SERINC2: variants seen among roughly 807,000 people sequenced by gnomAD.
The protein encoded by SERINC2 is tumor differentially expressed protein 2.
SERINC2 carries 56 observed loss-of-function variants against 54.2 expected under a neutral mutation model. That is an observed-to-expected ratio of 1.03 (90% CI 0.83 to 1.29). The LOEUF is 1.29. SERINC2 is among the 50% of genes most tolerant of loss of function. The pLI is 0.00. For synonymous variants in SERINC2, 272 were observed against 253.1 expected (o/e 1.07, Z -0.71); for missense variants, 614 against 607.4 (o/e 1.01, Z -0.12).
chr1:31,433,979 G>T lies in SERINC2; in HGVS notation c.1233-85G>T, dbSNP rs72880153. On this transcript the variant is annotated intron_variant, in intron 9 of 9. Transcript: ENST00000373709. ...GTAAGAGCCAGAGTTGAAGTCAGGGGTCATAACTGGGACATAAGGCCAGGG... is the reference window on the plus strand; with the variant it reads ...GTAAGAGCCAGAGTTGAAGTCAGGGTTCATAACTGGGACATAAGGCCAGGG... The T allele has an allele frequency of 3.4e-3, 4,731 of 1,411,810 alleles. 148 individuals carry two copies. In the African/African-American group the frequency reaches 0.06, roughly 18 times the overall value. 87.5% of individuals were successfully genotyped at this position (1,411,810 alleles called of 1,614,324 possible). A position where few individuals can be genotyped will look rare whatever the true frequency, so the allele number is the denominator to read the frequency against.
intron 8 of SERINC2, 138 bp from the exon 9 acceptor site, chr1:31,432,829 T>C: frequency 1.5e-6 from 1 of 649,636 alleles, no homozygotes; most frequent in Non-Finnish European, 2.7e-6. Flanking sequence ...AGGGGTAGAG[T>C]TGAGAGGCAA....
intron 8 of SERINC2, among the ~76,000 whole-genome samples, chr1:31,432,507 A>G (rs1641335728): frequency 6.6e-6 from 1 of 152,118 alleles, no homozygotes; most frequent in African/African-American, 2.4e-5. Context: ...CTTAAAATCA[A>G]TGGCAAATGA....
chr1:31,424,950 T>G, intron 3 of SERINC2, 77 bp downstream of exon 3: 1 of 1,261,734 alleles, frequency 7.9e-7, no homozygotes, highest in South Asian at 1.4e-5. Context: ...TCCAGGGATC[T>G]GCAGACCCTA....
rs145048820 is a variant in SERINC2, at chr1:31,429,280, G to A, written c.872-117G>A. On this transcript the variant is annotated intron_variant, in intron 7 of 9. Transcript: ENST00000373709. ...TGAGCGCTCTGTTGCTGGGACTTGAGTGGTTGGCTGTGTATCTGTCTGTCT... is the reference window on the plus strand; with the variant it reads ...TGAGCGCTCTGTTGCTGGGACTTGAATGGTTGGCTGTGTATCTGTCTGTCT... 3,763 of 1,305,106 alleles carry A rather than the reference G, an allele frequency of 2.9e-3. 10 individuals are homozygous for A. Among genetic ancestry groups the A allele is most frequent in the Non-Finnish European group, 3.6e-3 (3,401 of 934,316 alleles). The allele number at this position is 1,305,106 out of a possible 1,614,324, so 80.8% of individuals were successfully genotyped here.
chr1:31,431,831 A>ATAGGGTGGT (rs1641230900), intron 8 of SERINC2, among the ~76,000 whole-genome samples: 2 of 122,996 alleles, frequency 1.6e-5, no homozygotes, highest in Admixed American at 7.9e-5. Context: ...GATAGGGTGG[A>ATAGGGTGGT]TAGGGTGGAT....
upstream of SERINC2, among the ~76,000 whole-genome samples, chr1:31,411,845 T>A (rs963730593): frequency 9.2e-5 from 14 of 151,528 alleles, no homozygotes; most frequent in Non-Finnish European, 1.6e-4. Context: ...ACAAAATTTT[T>A]AAAAAATTAG....
intron 8 of SERINC2, among the ~76,000 whole-genome samples, chr1:31,431,923 AGG>A (rs1553134594): frequency 3.6e-5 from 5 of 137,794 alleles, no homozygotes; most frequent in African/African-American, 1.3e-4. Flanking sequence ...TAGGGTGGTT[AGG>A]GTGGATAGGG....
At chr1:31,412,842 C>T (rs1427763334), upstream of SERINC2, among the ~76,000 whole-genome samples, 3 of 152,322 alleles carry the variant, frequency 2.0e-5, no homozygotes, top group African/African-American at 7.2e-5. Flanking sequence ...AGCATTCAAC[C>T]TCAGCATCTA....
At chr1:31,429,193 T>G in intron 7 of SERINC2, 125 bp downstream of exon 7, 1 of 1,030,448 alleles carries the variant, frequency 9.7e-7, no homozygotes, top group Non-Finnish European at 1.5e-6. Context: ...TGAGACTCAG[T>G]CCTCCCATGA....
chr1:31,414,293 T>C, intron 1 of SERINC2: 2 of 1,298,422 alleles, frequency 1.5e-6, no homozygotes, highest in Non-Finnish European at 1.9e-6. Flanking sequence ...CCTCTTCCCC[T>C]CATTAAATCT....
At chr1:31,419,643 C>A (rs1553132584) in intron 1 of SERINC2, among the ~76,000 whole-genome samples, 1 of 152,106 alleles carries the variant, frequency 6.6e-6, no homozygotes, top group African/African-American at 2.4e-5. Flanking sequence ...GCCTGGCCAA[C>A]ATGAGAAAAC....
In SERINC2 at chr1:31,431,730, A is replaced by G. The variant is rs1212618809; in HGVS notation, c.1014-1237A>G. Among the ~76,000 whole-genome samples the G allele has an allele frequency of 4.8e-5, 6 of 124,480 alleles. 2 individuals are homozygous for G. The highest frequency in any genetic ancestry group is 1.6e-4 in the African/African-American group (6 of 37,720). The allele number at this position is 124,480 out of a possible 152,430, so 81.7% of individuals were successfully genotyped here. ...CAATCTGGGCTCCCATGCATGAGATATCCATATGGTATTTGGTAGATAGGG... is the reference window on the plus strand; with the variant it reads ...CAATCTGGGCTCCCATGCATGAGATGTCCATATGGTATTTGGTAGATAGGG... On this transcript the variant is annotated intron_variant, in intron 8 of 9. Coordinates refer to ENST00000373709, the MANE Select transcript of SERINC2 (RefSeq NM_178865.5).
In SERINC2 at chr1:31,413,291, C is replaced by G; in HGVS notation, c.26C>G (p.Ser9Cys). Residue 9 changes from serine to cysteine, a missense_variant, in exon 1 of 10, where the codon TCC (serine) becomes TGC (cysteine). Ser to Cys is a moderately radical substitution (Grantham distance 112, BLOSUM62 -1). Transcript: ENST00000373709. This position sits in a 1 kb window ranked among gnomAD's most constrained non-coding sequence, Gnocchi z 5.0. MGACLGAC[S>C]LLSCASCLCG... Reference sequence around the variant, plus strand: ...ATGGGGGCCTGCCTGGGAGCCTGCTCCCTGCTCAGCTGCGTGAGTCCCGAC... The same window carrying G: ...ATGGGGGCCTGCCTGGGAGCCTGCTGCCTGCTCAGCTGCGTGAGTCCCGAC... 1 of 1,275,778 alleles carries G rather than the reference C, an allele frequency of 7.8e-7. No individual in the cohort carries two copies. The highest frequency in any genetic ancestry group is 9.9e-7 in the Non-Finnish European group (1 of 1,013,426). 79.0% of individuals were successfully genotyped at this position (1,275,778 alleles called of 1,614,324 possible). A position where few individuals can be genotyped will look rare whatever the true frequency, so the allele number is the denominator to read the frequency against.
At position 31,425,823 on chromosome 1, in the gene SERINC2, C is replaced by T. The variant is rs1553133505; in HGVS notation, c.520C>T (p.Gln174Ter). Reference protein sequence around the residue: ...VVGSFLFILIQLVLLIDFAHS... With the variant: ...VVGSFLFILI ...GGGCTCCTTCCTCTTCATCCTCATC[C>T]AGCTGGTGCTGCTCATCGACTTTGC... is the stretch of plus-strand genomic sequence containing the variant. The change falls in exon 5 of 10, where the codon CAG becomes TAG. Residue 174 changes from glutamine to a stop codon, truncating the protein, a stop_gained. Transcript: ENST00000373709. LOFTEE classifies it high-confidence loss of function. 2 of 1,613,714 alleles carry T rather than the reference C, an allele frequency of 1.2e-6. No individual in the cohort carries two copies. Among genetic ancestry groups the T allele is most frequent in the South Asian group, 2.2e-5 (2 of 91,060 alleles).
chr1:31,414,694 C>T, intron 1 of SERINC2: 1 of 985,460 alleles, frequency 1.0e-6, no homozygotes, highest in Non-Finnish European at 1.2e-6. Flanking sequence ...AAGGTTTGGG[C>T]CAGGTCTCTG....
intron 7 of SERINC2, 28 bp downstream of exon 7, chr1:31,429,096 C>G (rs559941846): frequency 6.3e-7 from 1 of 1,585,280 alleles, no homozygotes; most frequent in Non-Finnish European, 8.7e-7. Context: ...CTCAAGGAGG[C>G]CTGGCCTCGT....
chr1:31,418,912 A>G (rs963428490), intron 1 of SERINC2, among the ~76,000 whole-genome samples: 7 of 152,164 alleles, frequency 4.6e-5, no homozygotes, highest in Non-Finnish European at 1.5e-5. Flanking sequence ...TGCAAGCAGC[A>G]GAGGATGGCC....
chr1:31,433,912 G>C (rs1394454402), intron 9 of SERINC2, 152 bp from the exon 10 acceptor site: 2 of 764,996 alleles, frequency 2.6e-6, no homozygotes, highest in South Asian at 3.3e-5. Context: ...ACGGTCACAA[G>C]GCCGGGTGTT....
chr1:31,425,279 T>C (rs1008080882), intron 3 of SERINC2, 51 bp from the exon 4 acceptor site: 1 of 1,379,400 alleles, frequency 7.2e-7, no homozygotes. Context: ...TGGCTTCCAG[T>C]TTCCCTGCCT....
Sources: allele counts gnomAD v4.1 joint callset (sites outside exome capture counted in the v4.1 genomes callset), GRCh38; gene constraint gnomAD v4.1.1; non-coding constraint Gnocchi (gnomAD v3.1); transcripts MANE v1.5; gene names NCBI Gene and HGNC (gene_info 2026-07-23, HGNC 2026-07-21).